Variants in PKHD1 observed in about 807,000 individuals in gnomAD.
The protein encoded by PKHD1 is fibrocystin.
Under a neutral mutation model 412.0 loss-of-function variants are expected in PKHD1, and 291 were observed. The ratio of observed to expected loss-of-function variants is 0.71; its 90% CI spans 0.64 to 0.78. The LOEUF (loss-of-function observed/expected upper bound fraction) is 0.78. Among genes scored for constraint, PKHD1 ranks in the 30% least tolerant of loss-of-function variants. The pLI is 0.00. For missense variants in PKHD1, 4,825 were observed against 4,950.7 expected (o/e 0.97, Z 0.76); for synonymous variants, 1,777 against 1,821.5 (o/e 0.98, Z 0.62).
intron 33 of PKHD1, among the ~76,000 whole-genome samples, chr6:52,018,601 C>T (rs1800910359): frequency 1.3e-5 from 2 of 152,130 alleles, no homozygotes; most frequent in South Asian, 4.1e-4. Flanking sequence ...GCAACTTCCG[C>T]CTCCCGGGTT....
intron 60 of PKHD1, among the ~76,000 whole-genome samples, chr6:51,719,617 A>T (rs1397090166): frequency 6.6e-6 from 1 of 152,108 alleles, no homozygotes; most frequent in Admixed American, 6.6e-5. Context: ...GTTTTATGAG[A>T]CCCCAAATGT....
intron 53 of PKHD1, among the ~76,000 whole-genome samples, chr6:51,785,141 A>G (rs772984439): frequency 6.6e-6 from 1 of 152,200 alleles, no homozygotes; most frequent in African/African-American, 2.4e-5. Flanking sequence ...TTGGCATTCA[A>G]TGAAAGAGGG....
chr6:52,017,533 G>A lies in PKHD1; in HGVS notation c.5477C>T (p.Ala1826Val), dbSNP rs761410467. ...YVQCDLTVAMATEQLLESWPY... is the reference protein window; with the variant it reads ...YVQCDLTVAMVTEQLLESWPY... Reference sequence around the variant, plus strand: ...CCACGATTCAAGCAGTTGCTCTGTCGCCATGGCAACTGTCAAATCACACTG... The same window carrying A: ...CCACGATTCAAGCAGTTGCTCTGTCACCATGGCAACTGTCAAATCACACTG... Residue 1826 changes from alanine to valine, a missense_variant, in exon 34 of 67, where the codon GCG becomes GTG. Physicochemically the swap from Ala to Val is moderately conservative, Grantham distance 64. Transcript: ENST00000371117. 7 of 1,613,764 alleles carry A rather than the reference G, an allele frequency of 4.3e-6. No individual in the cohort carries two copies. Among genetic ancestry groups the A allele is most frequent in the Non-Finnish European group, 5.1e-6 (6 of 1,179,798 alleles).
In PKHD1 at chr6:52,025,172, T is replaced by A; in HGVS notation, c.4638A>T (p.Gly1546=). The part of the protein sequence containing the change: ...VVCQTRDLAP[G]PHYLSVFYTR... ...TATAAAAAACTGACAGGTAGTGGGG[T>A]CCTGGGGCCAAGTCTCTTGTCTGGC... The change falls in exon 32 of 67, where the codon GGA becomes GGT. Residue 1546 remains glycine (G), a synonymous_variant. Transcript: ENST00000371117. 1 of 1,613,974 alleles carries A rather than the reference T, an allele frequency of 6.2e-7. No individual in the cohort carries two copies. Among genetic ancestry groups the A allele is most frequent in the South Asian group, 1.1e-5 (1 of 91,064 alleles).
intron 33 of PKHD1, among the ~76,000 whole-genome samples, chr6:52,022,372 C>A (rs574700830): frequency 6.6e-6 from 1 of 152,158 alleles, no homozygotes. Context: ...CAAGTGATAT[C>A]CAGCTTGAAA....
intron 36 of PKHD1, among the ~76,000 whole-genome samples, chr6:51,943,957 T>C (rs1183089952): frequency 1.3e-5 from 2 of 151,608 alleles, no homozygotes; most frequent in Non-Finnish European, 3.0e-5. Flanking sequence ...TGTTTTATTT[T>C]TCTTATTAAT....
intron 55 of PKHD1, among the ~76,000 whole-genome samples, chr6:51,758,014 AAGAGAG>A (rs10534219): frequency 0.068 from 8,634 of 126,060 alleles, 388 homozygotes; most frequent in African/African-American, 0.12. Flanking sequence ...ACCCTGCCAA[AAGAGAG>A]AGAGAGAGAG....
At chr6:52,011,805 C>T (rs546412706) in intron 34 of PKHD1, among the ~76,000 whole-genome samples, 2 of 152,206 alleles carry the variant, frequency 1.3e-5, no homozygotes, top group Non-Finnish European at 2.9e-5. Flanking sequence ...ACCCACAGTC[C>T]TTTAGACCTA....
intron 60 of PKHD1, among the ~76,000 whole-genome samples, chr6:51,667,319 GT>G (rs1188079161): frequency 1.3e-5 from 2 of 151,418 alleles, no homozygotes; most frequent in Non-Finnish European, 2.9e-5. Context: ...TTTTTCATGT[GT>G]TTTTTGGCTG....
At chr6:51,858,187 A>G (rs1328268536) in intron 48 of PKHD1, among the ~76,000 whole-genome samples, 2 of 152,188 alleles carry the variant, frequency 1.3e-5, no homozygotes, top group Admixed American at 6.5e-5. Context: ...GGGTGTTTAC[A>G]TCTTCGAATA....
At chr6:51,717,876 A>C (rs1349963292) in intron 60 of PKHD1, among the ~76,000 whole-genome samples, 1 of 152,196 alleles carries the variant, frequency 6.6e-6, no homozygotes, top group East Asian at 1.9e-4. Context: ...ATCTCTTAAA[A>C]AATAAAGCCA....
chr6:51,820,122 G>A (rs1306576546), intron 52 of PKHD1, among the ~76,000 whole-genome samples: 2 of 152,138 alleles, frequency 1.3e-5, no homozygotes, highest in Non-Finnish European at 2.9e-5. Flanking sequence ...TCTCCATCTG[G>A]GGCTGCCAAG....
At chr6:51,748,906 T>TGA in intron 57 of PKHD1, among the ~76,000 whole-genome samples, 1 of 152,152 alleles carries the variant, frequency 6.6e-6, no homozygotes, top group East Asian at 1.9e-4. Flanking sequence ...CAGGGAAAGA[T>TGA]GAGAGGAGAA....
intron 28 of PKHD1, among the ~76,000 whole-genome samples, chr6:52,035,190 A>G (rs1267209615): frequency 6.6e-6 from 1 of 152,166 alleles, no homozygotes; most frequent in East Asian, 1.9e-4. Context: ...TACAATTAAT[A>G]CCCATACTAG....
chr6:51,716,896 G>A (rs958277212), intron 60 of PKHD1, among the ~76,000 whole-genome samples: 2 of 152,034 alleles, frequency 1.3e-5, no homozygotes, highest in African/African-American at 4.8e-5. Flanking sequence ...AGGAGCAGAG[G>A]CAAGCAGAAA....
chr6:51,651,611 G>A (rs1770992573), intron 61 of PKHD1, among the ~76,000 whole-genome samples: 1 of 152,006 alleles, frequency 6.6e-6, no homozygotes, highest in Non-Finnish European at 1.5e-5. Flanking sequence ...CTTTCATGAT[G>A]GGCTCCTTTT....
chr6:51,993,006 G>A (rs768039071), intron 35 of PKHD1, among the ~76,000 whole-genome samples: 11 of 152,326 alleles, frequency 7.2e-5, no homozygotes, highest in Non-Finnish European at 1.0e-4. Flanking sequence ...ATTTTTATTA[G>A]CCTTGCAATT....
At chr6:51,880,779 T>TTAAAAAAAAAAAA (rs1777141353) in intron 46 of PKHD1, among the ~76,000 whole-genome samples, 2 of 30,036 alleles carry the variant, frequency 6.7e-5, no homozygotes, top group Non-Finnish European at 9.4e-5. Flanking sequence ...AAAAAAAAAT[T>TTAAAAAAAAAAAA]AAAAAAAAAA....
chr6:51,767,464 C>G (rs181900758), intron 55 of PKHD1, among the ~76,000 whole-genome samples: 2 of 152,038 alleles, frequency 1.3e-5, no homozygotes, highest in Non-Finnish European at 1.5e-5. Context: ...TATCCCTCCC[C>G]GCTCCCCTCA....
Sources: allele counts gnomAD v4.1 joint callset (sites outside exome capture counted in the v4.1 genomes callset), GRCh38; gene constraint gnomAD v4.1.1; transcripts MANE v1.5; gene names NCBI Gene and HGNC (gene_info 2026-07-23, HGNC 2026-07-21).